The following FAT3 variants were observed in gnomAD, a reference collection of about 807,000 sequenced individuals.
FAT3 encodes the protein protocadherin Fat 3.
In FAT3, 95 loss-of-function variants were observed where a neutral mutation model predicts 310.2. The ratio of observed to expected loss-of-function variants is 0.31; its 90% CI spans 0.26 to 0.36. The LOEUF (loss-of-function observed/expected upper bound fraction) is 0.36. Ranked by LOEUF, FAT3 falls within the 10% of genes least tolerant of loss-of-function variation. The probability of loss-of-function intolerance (pLI) is 1.00; values close to 1 mark genes in which losing one functional copy is unlikely to be tolerated. For missense variants in FAT3, 5,408 were observed against 5,715.6 expected, an observed-to-expected ratio of 0.95 and a Z score of 1.74; for synonymous variants, 2,314 against 2,192.9, an observed-to-expected ratio of 1.06 and a Z score of -1.54.
intron 1 of FAT3, among the ~76,000 whole-genome samples, chr11:92,269,902 C>T (rs945305272): frequency 2.0e-5 from 3 of 152,100 alleles, no homozygotes; most frequent in African/African-American, 7.2e-5. Context: ...TAGGGCCACC[C>T]CAAAATTCAT....
rs576881061 is a variant in FAT3, at chr11:92,845,183, G to T, written c.11365+451G>T. Among the ~76,000 whole-genome samples, 150 of 152,346 alleles carry T rather than the reference G, an allele frequency of 9.8e-4. No homozygotes were observed. In the South Asian group the frequency reaches 0.016, roughly 16 times the overall value. ...TCCTCTGGCTGCAATAAGCAGGGCT[G>T]GGATGTGAAATAAGGCTTGAGAGCA... On this transcript the variant is annotated intron_variant, in intron 19 of 27. Transcript: ENST00000525166.
chr11:92,395,092 T>C (rs1465015689), intron 2 of FAT3, among the ~76,000 whole-genome samples: 1 of 152,178 alleles, frequency 6.6e-6, no homozygotes, highest in African/African-American at 2.4e-5. Context: ...AAAATAACCA[T>C]TTTCCTGCTT....
chr11:92,240,001 T>C lies in FAT3; in HGVS notation c.-18+14827T>C, dbSNP rs16917209. Among the ~76,000 whole-genome samples the C allele has an allele frequency of 6.8e-3, 1,040 of 152,238 alleles. 11 individuals carry two copies. Among genetic ancestry groups the C allele is most frequent in the African/African-American group, 0.022 (907 of 41,562 alleles). The stretch of plus-strand genomic sequence containing the variant: ...TGAATAACCTGAGGTTCTATCAGAA[T>C]CACTAAGGTAAGAGTTATTTTTTAT... On this transcript the variant is annotated intron_variant, in intron 1 of 27. Coordinates refer to ENST00000525166, the MANE Select transcript of FAT3 (RefSeq NM_001367949.2).
At position 92,590,461 on chromosome 11, in the gene FAT3, T is replaced by C. The variant is rs375643542; in HGVS notation, c.3607+65513T>C. On this transcript the variant is annotated intron_variant, in intron 3 of 27. Coordinates refer to ENST00000525166, the MANE Select transcript of FAT3 (RefSeq NM_001367949.2). ...ACAACATGAGTAGGTAGAGGCCAAA[T>C]TGTGGGTGGACCAAAAAGCATCTGA... Among the ~76,000 whole-genome samples the C allele has an allele frequency of 2.6e-4, 39 of 152,142 alleles. No individual in the cohort carries two copies. In the South Asian group the frequency reaches 7.7e-3, roughly 30 times the overall value.
chr11:92,594,799 C>A (rs1039050570), intron 3 of FAT3, among the ~76,000 whole-genome samples: 5 of 152,070 alleles, frequency 3.3e-5, no homozygotes, highest in African/African-American at 1.2e-4. Context: ...CATTTCCTAC[C>A]CTTGATATTT....
intron 1 of FAT3, chr11:92,336,301 A>T (rs1435278092): frequency 2.1e-6 from 1 of 477,326 alleles, no homozygotes; most frequent in African/African-American, 2.0e-5. Context: ...TTCTCATAGA[A>T]GTTTTTGTCC....
At chr11:92,398,052 C>G (rs1949917889) in intron 2 of FAT3, among the ~76,000 whole-genome samples, 1 of 152,042 alleles carries the variant, frequency 6.6e-6, no homozygotes, top group African/African-American at 2.4e-5. Context: ...GAGGGCCACA[C>G]CCTCTCTGAC....
chr11:92,585,456 A>G lies in FAT3; in HGVS notation c.3607+60508A>G, dbSNP rs183226091. 7.4e-4 allele frequency among the ~76,000 whole-genome samples: 113 copies of G among 152,192 alleles called. 1 individual carries two copies. The highest frequency in any genetic ancestry group is 1.4e-3 in the Non-Finnish European group (93 of 67,964). On this transcript the variant is annotated intron_variant, in intron 3 of 27. Transcript: ENST00000525166. ...ACTAGTGTCTTAAAATAGTTGTCTC[A>G]TCAGAGACATCTCTTGTAGTACTAG...
At chr11:92,462,330 A>G (rs1951657254) in intron 2 of FAT3, among the ~76,000 whole-genome samples, 1 of 151,650 alleles carries the variant, frequency 6.6e-6, no homozygotes, top group African/African-American at 2.4e-5. Context: ...CCCACCCTCC[A>G]CCCTTGAGTA....
chr11:92,858,047 A>C (rs1949026509), intron 20 of FAT3, among the ~76,000 whole-genome samples: 1 of 152,184 alleles, frequency 6.6e-6, no homozygotes. Context: ...GGTATATTTA[A>C]AATATAGGCA....
At chr11:92,496,232 G>A (rs1403871971) in intron 2 of FAT3, among the ~76,000 whole-genome samples, 1 of 151,922 alleles carries the variant, frequency 6.6e-6, no homozygotes, top group Non-Finnish European at 1.5e-5. Context: ...AGGCTAAATC[G>A]AGATTTTGCT....
chr11:92,431,608 T>A lies in FAT3; in HGVS notation c.3292+76204T>A, dbSNP rs575722956. 8.4e-3 allele frequency among the ~76,000 whole-genome samples: 1,286 copies of A among 152,248 alleles called. 13 individuals carry two copies. The highest frequency in any genetic ancestry group is 0.03 in the African/African-American group (1,238 of 41,562). On this transcript the variant is annotated intron_variant, in intron 2 of 27. Coordinates refer to ENST00000525166, the MANE Select transcript of FAT3 (RefSeq NM_001367949.2). ...GCCCATGCCTATGTCCTGAATGGTA[T>A]TGCCTAGGTTTTCTTCTAGGGTTTT...
At position 92,393,100 on chromosome 11, in the gene FAT3, T is replaced by C. The variant is rs560695324; in HGVS notation, c.3292+37696T>C. 1.3e-3 allele frequency among the ~76,000 whole-genome samples: 203 copies of C among 152,288 alleles called. 2 individuals are homozygous for C. Among genetic ancestry groups the C allele is most frequent in the African/African-American group, 4.8e-3 (199 of 41,568 alleles). ...CTAAGTGGAACCTAAATGTCAGTTA[T>C]GTAGGCAAAGAACAAAATAATTCTC... On this transcript the variant is annotated intron_variant, in intron 2 of 27. Coordinates refer to ENST00000525166, the MANE Select transcript of FAT3 (RefSeq NM_001367949.2).
At chr11:92,632,426 G>A (rs892051293) in intron 3 of FAT3, among the ~76,000 whole-genome samples, 1 of 152,202 alleles carries the variant, frequency 6.6e-6, no homozygotes, top group Non-Finnish European at 1.5e-5. Context: ...AGGCAGACGG[G>A]TTACTGGAAA....
intron 3 of FAT3, among the ~76,000 whole-genome samples, chr11:92,652,015 T>C (rs1042101913): frequency 6.6e-6 from 1 of 152,244 alleles, no homozygotes; most frequent in Non-Finnish European, 1.5e-5. Context: ...GGATTCACTT[T>C]TATATACCTA....
At chr11:92,291,616 T>A (rs1319735416) in intron 1 of FAT3, among the ~76,000 whole-genome samples, 1 of 152,092 alleles carries the variant, frequency 6.6e-6, no homozygotes, top group Non-Finnish European at 1.5e-5. Context: ...ACACATTGTA[T>A]TCTAGTGGCC....
At chr11:92,235,867 G>A (rs764170149) in intron 1 of FAT3, among the ~76,000 whole-genome samples, 2 of 152,224 alleles carry the variant, frequency 1.3e-5, no homozygotes, top group South Asian at 2.1e-4. Flanking sequence ...GTGTCCAGCC[G>A]CCTTTCAGTA....
chr11:92,707,051 G>A (rs12279706), intron 4 of FAT3, among the ~76,000 whole-genome samples: 4,632 of 152,284 alleles, frequency 0.03, 229 homozygotes, highest in African/African-American at 0.1. Flanking sequence ...TTAATAAGCT[G>A]CAGGCAAACA....
At chr11:92,433,790 C>T (rs1950857712) in intron 2 of FAT3, among the ~76,000 whole-genome samples, 1 of 151,876 alleles carries the variant, frequency 6.6e-6, no homozygotes, top group Non-Finnish European at 1.5e-5. Context: ...GCAGGTGGAT[C>T]ATGAGGTCAG....
Sources: gnomAD v4.1 joint callset for allele counts (sites outside exome capture counted in the v4.1 genomes callset) on GRCh38, gnomAD v4.1.1 for gene constraint, MANE v1.5 for transcripts, NCBI Gene and HGNC (gene_info 2026-07-23, HGNC 2026-07-21) for gene names.